Variants in CACNA1A observed in about 807,000 individuals in gnomAD.
CACNA1A encodes the protein voltage-dependent P/Q-type calcium channel subunit alpha-1A.
A neutral mutation model predicts 262.4 loss-of-function variants in CACNA1A; 57 were observed. The ratio of observed to expected loss-of-function variants is 0.22; its 90% CI spans 0.18 to 0.27. CACNA1A has a LOEUF of 0.27. CACNA1A is among the 10% of genes least tolerant of loss of function. The pLI, the probability that CACNA1A is intolerant of heterozygous loss-of-function variation, is 1.00. For missense variants in CACNA1A, 2,526 were observed against 3,562.8 expected, an observed-to-expected ratio of 0.71 and a Z score of 7.41; for synonymous variants, 1,431 against 1,419.3, an observed-to-expected ratio of 1.01 and a Z score of -0.18.
intron 3 of CACNA1A, among the ~76,000 whole-genome samples, chr19:13,442,685 C>G (rs138314798): frequency 1.3e-5 from 2 of 152,326 alleles, no homozygotes; most frequent in East Asian, 3.9e-4. Context: ...AACCCACATT[C>G]TCACTGTCAT....
At chr19:13,254,656 C>T (rs2056496537) in intron 29 of CACNA1A, among the ~76,000 whole-genome samples, 1 of 152,162 alleles carries the variant, frequency 6.6e-6, no homozygotes, top group South Asian at 2.1e-4. Flanking sequence ...GCCACCGCGC[C>T]CAGCCCCCTC....
rs41276888 is a variant in CACNA1A, at chr19:13,317,311, G to A, written c.1356C>T (p.Phe452=). 3.6e-5 allele frequency: 57 copies of A among 1,600,770 alleles called. No individual in the cohort carries two copies. Among genetic ancestry groups the A allele is most frequent in the Non-Finnish European group, 4.4e-5 (51 of 1,168,966 alleles). ...LADIASVGSP[F]ARASIKSAKL... ...TGGCACTTTTAATGCTGGCTCGGGC[G>A]AAGGGAGAACCTGCCAGGGAAAAGA... Residue 452 remains phenylalanine (F), a synonymous_variant, in exon 11 of 47, where the codon TTC becomes TTT. Transcript: ENST00000360228.
At chr19:13,497,343 A>G (rs1039687326) in intron 1 of CACNA1A, among the ~76,000 whole-genome samples, 33 of 149,990 alleles carry the variant, frequency 2.2e-4, no homozygotes, top group Admixed American at 1.5e-3. Context: ...TGTTCATAAC[A>G]GCAAACAAAC....
intron 6 of CACNA1A, among the ~76,000 whole-genome samples, chr19:13,339,393 C>T (rs565389685): frequency 1.5e-3 from 229 of 151,908 alleles, no homozygotes; most frequent in African/African-American, 5.0e-3. Context: ...AGGGAGTTCG[C>T]GTTTAGTGGG....
At chr19:13,304,958 A>C (rs1196077949) in intron 15 of CACNA1A, among the ~76,000 whole-genome samples, 2 of 152,208 alleles carry the variant, frequency 1.3e-5, no homozygotes, top group Admixed American at 1.3e-4. Flanking sequence ...GTGATGATTA[A>C]ACAAGCTACT....
intron 19 of CACNA1A, among the ~76,000 whole-genome samples, chr19:13,297,517 T>G (rs1384484046): frequency 6.6e-6 from 1 of 150,900 alleles, no homozygotes; most frequent in African/African-American, 2.4e-5. Context: ...CTACTAAAGG[T>G]AAAAAAATTA....
chr19:13,306,617 A>G (rs1463970272), intron 15 of CACNA1A: 2 of 152,344 alleles, frequency 1.3e-5, no homozygotes, highest in Non-Finnish European at 1.5e-5. Flanking sequence ...CCCTAGAGGT[A>G]GTAAACAATT....
rs767535029 is a variant in CACNA1A at position 13,210,571 on chromosome 19, GA to G, written c.6339+45del. On this transcript the variant is annotated intron_variant, in intron 44 of 46. Transcript: ENST00000360228. ...TCCCTGGAGGGGGGGTGGGGAGGAA[GA>G]GGGGGCCGGAGCCCTGCTGGGCGCT... is the stretch of plus-strand genomic sequence containing the variant. 3.3e-6 allele frequency: 5 copies of G among 1,526,220 alleles called. No homozygotes were observed. The South Asian group carries it at 6.0e-5, about 18-fold the overall frequency. 94.5% of individuals were successfully genotyped at this position (1,526,220 alleles called of 1,614,324 possible).
At chr19:13,381,713 C>T (rs74409269) in intron 3 of CACNA1A, among the ~76,000 whole-genome samples, 5,554 of 152,278 alleles carry the variant, frequency 0.036, 183 homozygotes, top group South Asian at 0.086. Context: ...CCAATTCATC[C>T]GTGTTCTTCA....
chr19:13,486,081 G>A (rs1208966984), intron 1 of CACNA1A, among the ~76,000 whole-genome samples: 1 of 152,198 alleles, frequency 6.6e-6, no homozygotes, highest in Non-Finnish European at 1.5e-5. Flanking sequence ...CCTCTCACAT[G>A]ATTTTATTCA....
chr19:13,447,513 G>T (rs2060837919), intron 3 of CACNA1A, among the ~76,000 whole-genome samples: 2 of 152,200 alleles, frequency 1.3e-5, no homozygotes, highest in Non-Finnish European at 2.9e-5. Flanking sequence ...TAACAGGATA[G>T]ATGTATATAT....
chr19:13,349,704 A>G (rs990587429), intron 6 of CACNA1A, among the ~76,000 whole-genome samples: 2 of 152,340 alleles, frequency 1.3e-5, no homozygotes, highest in Admixed American at 1.3e-4. Flanking sequence ...AGTGAGACAG[A>G]GCTGAATTCT....
At chr19:13,239,924 G>A (rs2056013335) in intron 31 of CACNA1A, among the ~76,000 whole-genome samples, 1 of 152,048 alleles carries the variant, frequency 6.6e-6, no homozygotes, top group South Asian at 2.1e-4. Context: ...GCTGAGGCGG[G>A]TGCATCACTT....
At position 13,283,488 on chromosome 19, in the gene CACNA1A, G is replaced by A. The variant is rs2057335706; in HGVS notation, c.3693-92C>T. The A allele has an allele frequency of 4.0e-6, 6 of 1,516,374 alleles. No individual in the cohort carries two copies. The Admixed American group carries it at 7.6e-5, about 19-fold the overall frequency. 93.9% of individuals were successfully genotyped at this position (1,516,374 alleles called of 1,614,324 possible). ...TAATCTCATGTTACCTACCACTACT[G>A]AGATCTCCAACCCCCAAGGCCTCCT... On this transcript the variant is annotated intron_variant, in intron 21 of 46. Coordinates refer to ENST00000360228, the MANE Select transcript of CACNA1A (RefSeq NM_001127222.2).
chr19:13,206,976 T>C lies in CACNA1A; in HGVS notation c.*337A>G, dbSNP rs1156276356. On this transcript the variant is annotated 3_prime_UTR_variant, in exon 47 of 47. Transcript: ENST00000360228. ...TTTTTTTTTTTTTTTTTTTTTTTCA[T>C]GTTCCCCAAAGTTCTCCAAAAATGG... 1 of 86,580 alleles carries C rather than the reference T, an allele frequency of 1.2e-5. No individual in the cohort carries two copies. The highest frequency in any genetic ancestry group is 2.2e-5 in the Non-Finnish European group (1 of 45,152). The allele number at this position is 86,580 out of a possible 1,614,324, so 5.4% of individuals were successfully genotyped here.
In CACNA1A at chr19:13,303,539, C is replaced by T. The variant is rs1600282994; in HGVS notation, c.2172+7G>A. ...TTGCCAGAGAAACATTCTCCCACCG[C>T]CTCCACCTTGGTGAGCTCCTGGGCG... On this transcript the variant is annotated splice_region_variant and intron_variant, in intron 17 of 46. Transcript: ENST00000360228. The T allele has an allele frequency of 6.2e-7, 1 of 1,600,338 alleles. No individual in the cohort carries two copies. The highest frequency in any genetic ancestry group is 8.5e-7 in the Non-Finnish European group (1 of 1,172,884).
chr19:13,232,016 A>G (rs1335018322), intron 34 of CACNA1A, among the ~76,000 whole-genome samples, 156 bp from the exon 35 acceptor site: 2 of 152,140 alleles, frequency 1.3e-5, no homozygotes, highest in Non-Finnish European at 2.9e-5. Flanking sequence ...AGCTGAGAGA[A>G]GGGAATTCAC....
At chr19:13,310,284 G>A (rs2057993107) in intron 12 of CACNA1A, among the ~76,000 whole-genome samples, 1 of 149,536 alleles carries the variant, frequency 6.7e-6, no homozygotes, top group Non-Finnish European at 1.5e-5. Context: ...GCTGAATCCC[G>A]GTCTCTACAA....
chr19:13,241,468 TG>T lies in CACNA1A; in HGVS notation c.4950+3713del. On this transcript the variant is annotated intron_variant, in intron 31 of 46. Transcript: ENST00000360228. This position sits in a 1 kb window ranked among gnomAD's most constrained non-coding sequence, Gnocchi z 4.0. ...GGCATGCAATGCCGACGCGAGGAGA[TG>T]CGTTCACAGTTAATGTAAGGCATTT... The T allele has an allele frequency of 1.5e-6, 2 of 1,301,116 alleles. No individual in the cohort carries two copies. Among genetic ancestry groups the T allele is most frequent in the South Asian group, 2.5e-5 (2 of 79,872 alleles). The allele number at this position is 1,301,116 out of a possible 1,614,324, so 80.6% of individuals were successfully genotyped here. A position where few individuals can be genotyped will look rare whatever the true frequency, so the allele number is the denominator to read the frequency against.
Sources: allele counts gnomAD v4.1 joint callset (sites outside exome capture counted in the v4.1 genomes callset), GRCh38; gene constraint gnomAD v4.1.1; non-coding constraint Gnocchi (gnomAD v3.1); transcripts MANE v1.5; gene names NCBI Gene and HGNC (gene_info 2026-07-23, HGNC 2026-07-21).